The following DCD variants were observed in gnomAD, a reference collection of about 807,000 sequenced individuals.
DCD encodes the protein diffusible survival/evasion peptide.
Under a neutral mutation model 14.5 loss-of-function variants are expected in DCD, and 17 were observed. The ratio of observed to expected loss-of-function variants is 1.18; its 90% CI spans 0.81 to 1.76. DCD has a LOEUF of 1.76. Ranked by LOEUF, DCD falls within the 40% of genes most tolerant of loss-of-function variation. The pLI, the probability that DCD is intolerant of heterozygous loss-of-function variation, is 0.00. For missense variants in DCD, 139 were observed against 133.4 expected (o/e 1.04, Z -0.21); for synonymous variants, 64 against 54.0 (o/e 1.19, Z -0.82).
Position 54,645,608 on chromosome 12 carries a change from A to G in DCD, c.197T>C (p.Leu66Pro), listed in dbSNP as rs1347023370. The change falls in exon 3 of 5, where the codon CTG (leucine) becomes CCG (proline). Residue 66 changes from leucine to proline, a missense_variant and splice_region_variant. By Grantham distance (98) the Leu-to-Pro change is moderately conservative (BLOSUM62 -3). Transcript: ENST00000293371. Reference sequence around the variant, plus strand: ...CAGGCATTGGGAAAGAGGCTTACCCAGAAGGCTGGATCTCTGCTTCCTTGG... The same window carrying G: ...CAGGCATTGGGAAAGAGGCTTACCCGGAAGGCTGGATCTCTGCTTCCTTGG... ...PKPRKQRSSL[L>P]EKGLDGAKKA... The G allele has an allele frequency of 1.1e-5, 17 of 1,613,732 alleles. No homozygotes were observed. In the Admixed American group the frequency reaches 1.3e-4, roughly 13 times the overall value.
At chr12:54,647,916 C>T (rs747274415) in intron 1 of DCD, among the ~76,000 whole-genome samples, 10 of 151,930 alleles carry the variant, frequency 6.6e-5, no homozygotes, top group Non-Finnish European at 1.2e-4. Context: ...AAATAATGGG[C>T]AGGGGAAAAG....
In DCD at chr12:54,644,741, A is replaced by G. The variant is rs532310980; in HGVS notation, c.305T>C (p.Val102Ala). Residue 102 changes from valine to alanine, a missense_variant, in exon 5 of 5, where the codon GTT (valine) becomes GCT (alanine). Transcript: ENST00000293371. The stretch of plus-strand genomic sequence containing the variant: ...TAGTACTGAGTCAAGGACGTCTTTA[A>G]CGTCATGGACGGCTCCTAGGACAGC... ...ESVGKGAVHDVKDVLDSVL is the reference protein window; with the variant it reads ...ESVGKGAVHDAKDVLDSVL 6 of 1,607,296 alleles carry G rather than the reference A, an allele frequency of 3.7e-6. No individual in the cohort carries two copies. The highest frequency in any genetic ancestry group is 5.1e-6 in the Non-Finnish European group (6 of 1,176,708).
chr12:54,645,205 T>A lies in DCD; in HGVS notation c.257A>T (p.Asp86Val), dbSNP rs745797870. The part of the protein sequence containing the change: ...AVGGLGKLGK[D>V]AVEDLESVGK... ...CACGCTTTCTAGATCTTCGACTGCA[T>A]CTTTTCCTAGTTTTCCGAGTCCCCC... is the stretch of plus-strand genomic sequence containing the variant. The change falls in exon 4 of 5, where the codon GAT (aspartate) becomes GTT (valine). Residue 86 changes from aspartate to valine, a missense_variant. Asp to Val is a radical substitution (Grantham distance 152). Coordinates refer to ENST00000293371, the MANE Select transcript of DCD (RefSeq NM_053283.4). 2 of 1,614,028 alleles carry A rather than the reference T, an allele frequency of 1.2e-6. No homozygotes were observed. Among genetic ancestry groups the A allele is most frequent in the South Asian group, 2.2e-5 (2 of 91,084 alleles).
chr12:54,645,328 C>T (rs1240282459), intron 3 of DCD, 66 bp from the exon 4 acceptor site: 5 of 1,480,100 alleles, frequency 3.4e-6, no homozygotes, highest in African/African-American at 1.4e-5. Flanking sequence ...TAGGAGAGCT[C>T]CCCCGCTTCC....
chr12:54,645,799 T>A, intron 2 of DCD, 92 bp from the exon 3 acceptor site: 1 of 1,008,820 alleles, frequency 9.9e-7, no homozygotes, highest in South Asian at 1.4e-5. Flanking sequence ...CCTCAAGGTC[T>A]GGCTTGAGGA....
chr12:54,645,236 C>G lies in DCD; in HGVS notation c.226G>C (p.Ala76Pro), dbSNP rs1958248665. The change falls in exon 4 of 5, where the codon GCT (alanine) becomes CCT (proline). Residue 76 changes from alanine (A) to proline (P), a missense_variant. Physicochemically the swap from Ala to Pro is conservative, Grantham distance 27 (BLOSUM62 -1). Coordinates refer to ENST00000293371, the MANE Select transcript of DCD (RefSeq NM_053283.4). ...LEKGLDGAKK[A>P]VGGLGKLGKD... ...CCTAGTTTTCCGAGTCCCCCCACAG[C>G]TTTTTTTGCTCCGTCTAGGCCTTTT... 1.2e-6 allele frequency: 2 copies of G among 1,614,044 alleles called. No homozygotes were observed. The highest frequency in any genetic ancestry group is 1.7e-6 in the Non-Finnish European group (2 of 1,180,014).
At chr12:54,648,082 C>G (rs934747708) in intron 1 of DCD, among the ~76,000 whole-genome samples, 164 bp downstream of exon 1, 8 of 152,154 alleles carry the variant, frequency 5.3e-5, no homozygotes, top group African/African-American at 1.9e-4. Context: ...CTGGCTTCCT[C>G]TGACCATAGA....
intron 4 of DCD, 178 bp from the exon 5 acceptor site, chr12:54,644,934 C>T (rs1284529388): frequency 5.2e-6 from 8 of 1,549,458 alleles, no homozygotes; most frequent in Non-Finnish European, 7.0e-6. Flanking sequence ...CAAAGACCAA[C>T]CTCTCTTCCC....
In DCD at chr12:54,648,326, A is replaced by G; in HGVS notation, c.-23T>C. On this transcript the variant is annotated 5_prime_UTR_variant, in exon 1 of 5. Coordinates refer to ENST00000293371, the MANE Select transcript of DCD (RefSeq NM_053283.4). ...CATGCTTCTGTGTGCTGGAGTGGGT[A>G]TGCCACCAAATCCTTGGAGATCTTG... 6.2e-7 allele frequency: 1 copy of G among 1,613,752 alleles called. No homozygotes were observed. The highest frequency in any genetic ancestry group is 2.2e-5 in the East Asian group (1 of 44,860).
At chr12:54,646,181 G>C (rs1293633581) in intron 2 of DCD, 2 of 455,556 alleles carry the variant, frequency 4.4e-6, no homozygotes, top group African/African-American at 2.0e-5. Flanking sequence ...TTATTGCATT[G>C]GTGTGAAACG....
intron 3 of DCD, 143 bp from the exon 4 acceptor site, chr12:54,645,405 A>G: frequency 2.1e-6 from 2 of 930,570 alleles, no homozygotes; most frequent in Non-Finnish European, 3.3e-6. Flanking sequence ...TGTCATGGGA[A>G]GGTTGGTAGG....
chr12:54,646,362 C>T (rs1958261063), intron 2 of DCD, among the ~76,000 whole-genome samples: 1 of 151,994 alleles, frequency 6.6e-6, no homozygotes, highest in Non-Finnish European at 1.5e-5. Flanking sequence ...GTGTACATGG[C>T]TGGGGAAGTA....
At chr12:54,645,972 C>T (rs1423178126) in intron 2 of DCD, 1 of 502,024 alleles carries the variant, frequency 2.0e-6, no homozygotes, top group Non-Finnish European at 3.9e-6. Flanking sequence ...GTCATTTTGG[C>T]AGAAAGATCA....
chr12:54,645,906 T>C (rs779733702), intron 2 of DCD, 199 bp from the exon 3 acceptor site: 106 of 580,604 alleles, frequency 1.8e-4, no homozygotes, highest in Admixed American at 5.0e-4. Flanking sequence ...TCCAAGACTT[T>C]TCCTGCTCCT....
rs1390550916 is a variant in DCD, at chr12:54,644,757, C to T, written c.290-1G>A. 6.2e-7 allele frequency: 1 copy of T among 1,604,290 alleles called. No individual in the cohort carries two copies. Among genetic ancestry groups the T allele is most frequent in the Non-Finnish European group, 8.5e-7 (1 of 1,174,802 alleles). ...ACGTCTTTAACGTCATGGACGGCTC[C>T]TAGGACAGCCACAGAAAAAAATGGG... On this transcript the variant is annotated splice_acceptor_variant, in intron 4 of 4. Coordinates refer to ENST00000293371, the MANE Select transcript of DCD (RefSeq NM_053283.4). LOFTEE classifies it high-confidence loss of function.
At chr12:54,647,911 A>G (rs1358232053) in intron 1 of DCD, among the ~76,000 whole-genome samples, 27 of 152,154 alleles carry the variant, frequency 1.8e-4, no homozygotes, top group Non-Finnish European at 3.7e-4. Context: ...GGGTGAAATA[A>G]TGGGCAGGGG....
At chr12:54,645,136 G>A (rs543172665) in intron 4 of DCD, 37 bp downstream of exon 4, 1 of 1,601,596 alleles carries the variant, frequency 6.2e-7, no homozygotes, top group African/African-American at 1.3e-5. Flanking sequence ...TGGAGACTGA[G>A]GCTGGTCCTG....
At chr12:54,646,177 C>T in intron 2 of DCD, 1 of 455,858 alleles carries the variant, frequency 2.2e-6, no homozygotes, top group Non-Finnish European at 4.4e-6. Flanking sequence ...TCTGTTATTG[C>T]ATTGGTGTGA....
chr12:54,645,362 G>A, intron 3 of DCD, 100 bp from the exon 4 acceptor site: 1 of 1,231,962 alleles, frequency 8.1e-7, no homozygotes. Flanking sequence ...CACCCCTAAG[G>A]TGAAGTGGTT....
Sources: gnomAD v4.1 joint callset for allele counts (sites outside exome capture counted in the v4.1 genomes callset) on GRCh38, gnomAD v4.1.1 for gene constraint, MANE v1.5 for transcripts, NCBI Gene and HGNC (gene_info 2026-07-23, HGNC 2026-07-21) for gene names.